The following PLCZ1 variants were observed in gnomAD, a reference collection of about 807,000 sequenced individuals.
The protein encoded by PLCZ1 is phospholipase C zeta 1.
A neutral mutation model predicts 76.8 loss-of-function variants in PLCZ1; 64 were observed. The ratio of observed to expected loss-of-function variants is 0.83; its 90% CI spans 0.68 to 1.03. PLCZ1 has a LOEUF of 1.03. PLCZ1 is among the 50% of genes least tolerant of loss of function. The pLI, the probability that PLCZ1 is intolerant of heterozygous loss-of-function variation, is 0.00. For synonymous variants in PLCZ1, 248 were observed against 230.8 expected (o/e 1.07, Z -0.68); for missense variants, 751 against 713.7 (o/e 1.05, Z -0.60).
chr12:18,686,781 G>T (rs981419708), intron 13 of PLCZ1, among the ~76,000 whole-genome samples: 10 of 151,936 alleles, frequency 6.6e-5, no homozygotes, highest in African/African-American at 2.4e-4. Context: ...CCATATATAA[G>T]AATTCATTTA....
intron 3 of PLCZ1, among the ~76,000 whole-genome samples, chr12:18,732,617 C>A (rs1465644244): frequency 6.6e-6 from 1 of 152,172 alleles, no homozygotes; most frequent in Non-Finnish European, 1.5e-5. Flanking sequence ...TTGACTAACA[C>A]TTCCTTGTTT....
At chr12:18,710,052 T>A (rs2137386736) in intron 6 of PLCZ1, among the ~76,000 whole-genome samples, 1 of 151,886 alleles carries the variant, frequency 6.6e-6, no homozygotes, top group South Asian at 2.1e-4. Context: ...ACAGGGTTTT[T>A]TGTGTGGAAT....
At chr12:18,711,760 C>T (rs1349060148) in intron 6 of PLCZ1, among the ~76,000 whole-genome samples, 2 of 151,820 alleles carry the variant, frequency 1.3e-5, no homozygotes, top group Admixed American at 1.3e-4. Context: ...TATGCCTATT[C>T]ATATCCAAGT....
chr12:18,681,028 G>A (rs375399706), downstream of PLCZ1, among the ~76,000 whole-genome samples: 3 of 152,136 alleles, frequency 2.0e-5, no homozygotes, highest in African/African-American at 7.2e-5. Flanking sequence ...TGTTTTTGCC[G>A]TGCATTCAGT....
intron 14 of PLCZ1, 59 bp from the exon 15 acceptor site, chr12:18,683,383 T>C: frequency 6.4e-7 from 1 of 1,554,616 alleles, no homozygotes; most frequent in South Asian, 1.1e-5. Flanking sequence ...GTGTCTCCAA[T>C]AGCCTTGCTG....
At chr12:18,665,893 C>T in the PLCZ1 span, among the ~76,000 whole-genome samples, 1 of 150,752 alleles carries the variant, frequency 6.6e-6, no homozygotes, top group Non-Finnish European at 1.5e-5. Flanking sequence ...CAAGATCGCG[C>T]CATTGTACTC....
the PLCZ1 span, among the ~76,000 whole-genome samples, chr12:18,645,895 C>T: frequency 2.0e-5 from 3 of 152,164 alleles, no homozygotes; most frequent in African/African-American, 7.2e-5. Context: ...GCATCATATA[C>T]AGTCACACTT....
chr12:18,715,682 T>C (rs1957906313), intron 5 of PLCZ1: 1 of 152,258 alleles, frequency 6.6e-6, no homozygotes, highest in African/African-American at 2.4e-5. Context: ...TTGTTGTTTT[T>C]AAGATGGGGT....
At chr12:18,736,375 C>A in intron 2 of PLCZ1, 31 bp from the exon 3 acceptor site, 1 of 1,600,408 alleles carries the variant, frequency 6.2e-7, no homozygotes, top group Non-Finnish European at 8.5e-7. Context: ...AGGAAATTCT[C>A]ACAGAAAGTC....
intron 3 of PLCZ1, among the ~76,000 whole-genome samples, chr12:18,734,343 TTTGTTGTTG>T (rs747838079): frequency 1.5e-4 from 23 of 151,962 alleles, no homozygotes; most frequent in East Asian, 3.9e-4. Flanking sequence ...AGTAGTTGTT[TTTGTTGTTG>T]TTGTTGTTGT....
intron 12 of PLCZ1, 130 bp from the exon 13 acceptor site, chr12:18,688,348 GAATAC>G: frequency 2.2e-6 from 2 of 892,058 alleles, no homozygotes; most frequent in Non-Finnish European, 3.3e-6. Context: ...ATTGAAAGTG[GAATAC>G]AATACAAATT....
the PLCZ1 span, among the ~76,000 whole-genome samples, chr12:18,648,912 T>A: frequency 6.6e-6 from 1 of 152,058 alleles, no homozygotes; most frequent in Non-Finnish European, 1.5e-5. Context: ...AAAATTTAAA[T>A]CCCTGCTTAT....
rs79142176 is a variant in PLCZ1 at position 18,734,209 on chromosome 12, G to T, written c.135+2012C>A. 7.2e-3 allele frequency among the ~76,000 whole-genome samples: 1,101 copies of T among 152,248 alleles called. 11 individuals are homozygous for T. Among genetic ancestry groups the T allele is most frequent in the African/African-American group, 0.025 (1,052 of 41,540 alleles). On this transcript the variant is annotated intron_variant, in intron 3 of 14. Coordinates refer to ENST00000266505, the MANE Select transcript of PLCZ1 (RefSeq NM_033123.4). ...TCCTAAGCATTATATATTTTTTAAT[G>T]CTAGTGTAAATGAAAATGTTTTCTT...
intron 6 of PLCZ1, among the ~76,000 whole-genome samples, chr12:18,707,936 TAAG>T (rs975911040): frequency 2.6e-5 from 4 of 152,216 alleles, no homozygotes; most frequent in Non-Finnish European, 5.9e-5. Context: ...ACGTAGATAG[TAAG>T]AAGGTTATTA....
rs1311583722 is a variant in PLCZ1 at position 18,696,439 on chromosome 12, C to T, written c.1175-173G>A. ...TCATGAATATCAAAATAAATCCATGCCTTTATGTTTATAGTATAATTCACT... is the reference window on the plus strand; with the variant it reads ...TCATGAATATCAAAATAAATCCATGTCTTTATGTTTATAGTATAATTCACT... On this transcript the variant is annotated intron_variant, in intron 10 of 14. Transcript: ENST00000266505. 5.4e-5 allele frequency among the ~76,000 whole-genome samples: 8 copies of T among 147,032 alleles called. 1 individual carries two copies. The highest frequency in any genetic ancestry group is 1.2e-4 in the Non-Finnish European group (8 of 67,328).
intron 10 of PLCZ1, among the ~76,000 whole-genome samples, chr12:18,698,794 C>G: frequency 6.6e-6 from 1 of 152,156 alleles, no homozygotes; most frequent in Non-Finnish European, 1.5e-5. Flanking sequence ...CAATTATACT[C>G]TTTTAGTTAT....
rs757688976 is a variant in PLCZ1, at chr12:18,736,322, C to T, written c.34G>A (p.Asp12Asn). ...EMRWFLSKIQ[D>N]DFRGGKINLE... Reference sequence around the variant, plus strand: ...TTAATTTTTCCACCTCTGAAGTCATCCTGAATCTTTGACAAAAACCATGTA... The same window carrying T: ...TTAATTTTTCCACCTCTGAAGTCATTCTGAATCTTTGACAAAAACCATGTA... The change falls in exon 3 of 15, where the codon GAT (aspartate) becomes AAT (asparagine). Residue 12 changes from aspartate to asparagine, a missense_variant. Coordinates refer to ENST00000266505, the MANE Select transcript of PLCZ1 (RefSeq NM_033123.4). 3 of 1,612,230 alleles carry T rather than the reference C, an allele frequency of 1.9e-6. No homozygotes were observed. Among genetic ancestry groups the T allele is most frequent in the Middle Eastern group, 1.7e-4 (1 of 6,030 alleles).
intron 3 of PLCZ1, among the ~76,000 whole-genome samples, chr12:18,733,366 G>C (rs1319879661): frequency 6.6e-6 from 1 of 151,994 alleles, no homozygotes; most frequent in Non-Finnish European, 1.5e-5. Flanking sequence ...TCAGATATGT[G>C]GCTTGCAAAT....
the PLCZ1 span, among the ~76,000 whole-genome samples, chr12:18,660,397 C>A: frequency 6.6e-6 from 1 of 152,132 alleles, no homozygotes; most frequent in Non-Finnish European, 1.5e-5. Flanking sequence ...TCCTTTGTTG[C>A]AAGCCCTTCC....
Sources: allele counts gnomAD v4.1 joint callset (sites outside exome capture counted in the v4.1 genomes callset), GRCh38; gene constraint gnomAD v4.1.1; transcripts MANE v1.5; gene names NCBI Gene and HGNC (gene_info 2026-07-23, HGNC 2026-07-21).